The following MYO3B variants were observed in gnomAD, a reference collection of about 807,000 sequenced individuals.
MYO3B encodes myosin-IIIb.
A neutral mutation model predicts 174.6 loss-of-function variants in MYO3B; 156 were observed. That is an observed-to-expected ratio of 0.89 (90% CI 0.78 to 1.02). MYO3B has a LOEUF of 1.02. Among genes scored for constraint, MYO3B ranks in the 50% least tolerant of loss-of-function variants. MYO3B has a pLI of 0.00. For synonymous variants in MYO3B, 563 were observed against 569.1 expected (o/e 0.99, Z 0.15); for missense variants, 1,632 against 1,639.4 (o/e 1.00, Z 0.08).
intron 25 of MYO3B, among the ~76,000 whole-genome samples, chr2:170,485,752 T>C (rs1374759406): frequency 6.6e-6 from 1 of 152,108 alleles, no homozygotes; most frequent in East Asian, 1.9e-4. Flanking sequence ...CAAGAGAAAA[T>C]GATGTGCTCC....
chr2:170,279,523 G>T (rs1467884313), intron 7 of MYO3B, among the ~76,000 whole-genome samples: 1 of 151,724 alleles, frequency 6.6e-6, no homozygotes, highest in Non-Finnish European at 1.5e-5. Context: ...AGGTAAACTT[G>T]TGTCATGGGG....
At chr2:170,525,198 ACAGAG>A (rs1486906497) in intron 30 of MYO3B, among the ~76,000 whole-genome samples, 1 of 152,200 alleles carries the variant, frequency 6.6e-6, no homozygotes, top group Non-Finnish European at 1.5e-5. Flanking sequence ...GCATGATGGG[ACAGAG>A]TTAACTTGGC....
At chr2:170,605,773 T>G (rs1694772462) in intron 32 of MYO3B, among the ~76,000 whole-genome samples, 1 of 151,920 alleles carries the variant, frequency 6.6e-6, no homozygotes, top group Non-Finnish European at 1.5e-5. Flanking sequence ...GGCAGGAGAA[T>G]TGCTTGAACC....
At chr2:170,520,137 G>A (rs1296986647) in intron 30 of MYO3B, among the ~76,000 whole-genome samples, 2 of 152,260 alleles carry the variant, frequency 1.3e-5, no homozygotes, top group African/African-American at 4.8e-5. Context: ...AGCAATGTCT[G>A]AAGACATTTT....
chr2:170,579,686 C>A (rs1693005739), intron 32 of MYO3B, among the ~76,000 whole-genome samples: 1 of 152,230 alleles, frequency 6.6e-6, no homozygotes, highest in Admixed American at 6.5e-5. Context: ...CAGCCACAGG[C>A]TAGAAACCTG....
intron 22 of MYO3B, among the ~76,000 whole-genome samples, chr2:170,413,586 G>A (rs374738299): frequency 2.0e-5 from 3 of 152,142 alleles, no homozygotes; most frequent in African/African-American, 4.8e-5. Flanking sequence ...GGTGTTGTGT[G>A]TATATCTGTG....
At chr2:170,232,793 G>A (rs1451525669) in intron 6 of MYO3B, among the ~76,000 whole-genome samples, 1 of 152,132 alleles carries the variant, frequency 6.6e-6, no homozygotes, top group Non-Finnish European at 1.5e-5. Context: ...AGACTAATGA[G>A]TACTCAATAA....
intron 7 of MYO3B, among the ~76,000 whole-genome samples, chr2:170,294,675 T>C (rs562168995): frequency 5.3e-5 from 8 of 152,278 alleles, no homozygotes; most frequent in African/African-American, 1.9e-4. Flanking sequence ...AAAATTCTCA[T>C]ACTCATTGAA....
At chr2:170,530,243 C>A (rs1451166810) in intron 30 of MYO3B, among the ~76,000 whole-genome samples, 2 of 152,124 alleles carry the variant, frequency 1.3e-5, no homozygotes, top group African/African-American at 4.8e-5. Context: ...AGAGCTCTAG[C>A]GACTGCTGTG....
chr2:170,463,229 C>A, intron 23 of MYO3B, 139 bp from the exon 24 acceptor site: 1 of 588,814 alleles, frequency 1.7e-6, no homozygotes, highest in Non-Finnish European at 3.0e-6. Context: ...AAAAATTCTC[C>A]CCACAGTATA....
At position 170,281,878 on chromosome 2, in the gene MYO3B, G is replaced by A. The variant is rs193042353; in HGVS notation, c.749+45742G>A. Among the ~76,000 whole-genome samples, 911 of 152,116 alleles carry A rather than the reference G, an allele frequency of 6.0e-3. 5 individuals carry two copies. The highest frequency in any genetic ancestry group is 9.3e-3 in the Non-Finnish European group (635 of 67,986). ...AATAAACACAATTAGAAATGATGAC[G>A]GGAATGTTACCACTGACCCCACAGA... On this transcript the variant is annotated intron_variant, in intron 7 of 34. Coordinates refer to ENST00000408978, the MANE Select transcript of MYO3B (RefSeq NM_138995.5).
intron 32 of MYO3B, chr2:170,646,902 G>A (rs374795664): frequency 1.0e-5 from 14 of 1,356,896 alleles, no homozygotes; most frequent in Admixed American, 3.8e-5. Flanking sequence ...TCTGTCTCTC[G>A]CCTCAGCCTT....
intron 6 of MYO3B, among the ~76,000 whole-genome samples, chr2:170,220,342 G>A (rs1352720673): frequency 6.6e-6 from 1 of 150,728 alleles, no homozygotes; most frequent in Non-Finnish European, 1.5e-5. Context: ...AAAATATGTG[G>A]AGTGTTGACC....
chr2:170,549,467 A>G (rs1343439074), intron 32 of MYO3B, among the ~76,000 whole-genome samples: 2 of 152,160 alleles, frequency 1.3e-5, no homozygotes. Flanking sequence ...TCCTGAGCAA[A>G]TCACACCACT....
chr2:170,472,689 T>C lies in MYO3B; in HGVS notation c.3014+5978T>C, dbSNP rs533552144. On this transcript the variant is annotated intron_variant, in intron 25 of 34. Coordinates refer to ENST00000408978, the MANE Select transcript of MYO3B (RefSeq NM_138995.5). Reference sequence around the variant, plus strand: ...ACTTTTTATCTATTTATTTATTTATTTATTTATTTATTTATTTATTTATTT... The same window carrying C: ...ACTTTTTATCTATTTATTTATTTATCTATTTATTTATTTATTTATTTATTT... Among the ~76,000 whole-genome samples, 767 of 148,894 alleles carry C rather than the reference T, an allele frequency of 5.2e-3. 7 individuals are homozygous for C. Among genetic ancestry groups the C allele is most frequent in the Non-Finnish European group, 9.2e-3 (614 of 66,782 alleles).
intron 32 of MYO3B, among the ~76,000 whole-genome samples, chr2:170,584,447 C>A (rs741283): frequency 0.19 from 28,317 of 152,086 alleles, 2,967 homozygotes; most frequent in East Asian, 0.32. Flanking sequence ...ACTTTTATTA[C>A]TTGAGCCTGT....
rs1683802714 is a variant in MYO3B, at chr2:170,454,589, C to T, written c.2731-8779C>T. On this transcript the variant is annotated intron_variant, in intron 23 of 34. Transcript: ENST00000408978. The stretch of plus-strand genomic sequence containing the variant: ...CCCCTAATCCAAGAGAACTAGGTGG[C>T]TGCTTGGGCTGGCCTCTGGATCCAT... 3.3e-5 allele frequency among the ~76,000 whole-genome samples: 5 copies of T among 152,328 alleles called. No individual in the cohort carries two copies. The South Asian group carries it at 1.0e-3, about 32-fold the overall frequency.
At chr2:170,255,781 G>A (rs549691365) in intron 7 of MYO3B, among the ~76,000 whole-genome samples, 15 of 152,286 alleles carry the variant, frequency 9.8e-5, no homozygotes, top group South Asian at 2.1e-4. Context: ...TACTAGCTCC[G>A]CAGCAATAGA....
intron 14 of MYO3B, among the ~76,000 whole-genome samples, chr2:170,390,393 A>C (rs957233571): frequency 1.3e-5 from 2 of 152,192 alleles, no homozygotes; most frequent in African/African-American, 4.8e-5. Flanking sequence ...TCACCACTGC[A>C]CTCCAGCCTG....
Sources: gnomAD v4.1 joint callset for allele counts (sites outside exome capture counted in the v4.1 genomes callset) on GRCh38, gnomAD v4.1.1 for gene constraint, MANE v1.5 for transcripts, NCBI Gene and HGNC (gene_info 2026-07-23, HGNC 2026-07-21) for gene names.